Variants in DHX29 observed in about 807,000 individuals in gnomAD.
DHX29 encodes the protein ATP-dependent RNA helicase DHX29.
In DHX29, 79 loss-of-function variants were observed where a neutral mutation model predicts 167.9. The observed-to-expected ratio is 0.47, with a 90% CI of 0.39 to 0.57. The LOEUF (loss-of-function observed/expected upper bound fraction) is 0.57. Ranked by LOEUF, DHX29 falls within the 20% of genes least tolerant of loss-of-function variation. The pLI is 0.00. For missense variants in DHX29, 1,347 were observed against 1,593.4 expected (o/e 0.85, Z 2.63); for synonymous variants, 530 against 546.0 (o/e 0.97, Z 0.41).
chr5:55,304,729 G>A (rs35156726), intron 1 of DHX29, among the ~76,000 whole-genome samples: 16,659 of 151,794 alleles, frequency 0.11, 1,053 homozygotes, highest in East Asian at 0.26. Context: ...AAACAAGACT[G>A]GTATTACTTG....
intron 26 of DHX29, among the ~76,000 whole-genome samples, chr5:55,257,027 A>C (rs1214433983): frequency 3.3e-5 from 5 of 152,234 alleles, no homozygotes; most frequent in East Asian, 3.8e-4. Flanking sequence ...AGGAAACAAA[A>C]AATTCTAACA....
At position 55,280,216 on chromosome 5, in the gene DHX29, C is replaced by T. The variant is rs138743000; in HGVS notation, c.2109+1156G>A. 1.3e-3 allele frequency among the ~76,000 whole-genome samples: 204 copies of T among 152,220 alleles called. 2 individuals carry two copies. The Middle Eastern group carries it at 0.024, about 18-fold the overall frequency. On this transcript the variant is annotated intron_variant, in intron 12 of 26. Transcript: ENST00000251636. ...GCTGTAGTGTCTAAGAGGTTGATGGCATCACAGTGGAGCTCAATTCAGTTA... is the reference window on the plus strand; with the variant it reads ...GCTGTAGTGTCTAAGAGGTTGATGGTATCACAGTGGAGCTCAATTCAGTTA...
chr5:55,299,600 C>T (rs182739337), intron 1 of DHX29, among the ~76,000 whole-genome samples: 13 of 152,260 alleles, frequency 8.5e-5, no homozygotes, highest in Admixed American at 8.5e-4. Context: ...CTTCCCCCTT[C>T]CAGCTTCTGG....
In DHX29 at chr5:55,276,270, TA is replaced by T. The variant is rs1747107518; in HGVS notation, c.2422del (p.Tyr808IlefsTer15). ...VTSKAGGIKK[Y>X]QEYIPVQTGA... is the part of the protein sequence containing the mutation. ...TTCAAAATATTTTCTTTTTACCTGA[TA>T]TTTTTTTATTCCCCCTGCTTTGCTT... On this transcript the variant is annotated frameshift_variant, in exon 14 of 27. Coordinates refer to ENST00000251636, the MANE Select transcript of DHX29 (RefSeq NM_019030.4). LOFTEE classifies it high-confidence loss of function. 3.2e-6 allele frequency: 5 copies of T among 1,572,920 alleles called. No homozygotes were observed. The highest frequency in any genetic ancestry group is 4.3e-6 in the Non-Finnish European group (5 of 1,168,028).
At chr5:55,273,989 G>A (rs1195654457) in intron 16 of DHX29, among the ~76,000 whole-genome samples, 1 of 151,768 alleles carries the variant, frequency 6.6e-6, no homozygotes, top group African/African-American at 2.4e-5. Flanking sequence ...TGGGGAGGTT[G>A]AGGCAGGAGA....
chr5:55,262,997 G>T, intron 23 of DHX29, 65 bp from the exon 24 acceptor site: 1 of 1,261,570 alleles, frequency 7.9e-7, no homozygotes, highest in Non-Finnish European at 1.1e-6. Context: ...AAATAACATT[G>T]TAGTTTATAT....
intron 5 of DHX29, 56 bp downstream of exon 5, chr5:55,295,323 T>C: frequency 2.3e-6 from 3 of 1,319,882 alleles, no homozygotes; most frequent in Middle Eastern, 1.9e-4. Flanking sequence ...CTTTGAACTG[T>C]TACATGTGCT....
chr5:55,293,900 C>T (rs1561165292), intron 6 of DHX29, 117 bp downstream of exon 6: 2 of 1,132,904 alleles, frequency 1.8e-6, no homozygotes, highest in Admixed American at 3.1e-5. Flanking sequence ...TTAATCTTCA[C>T]ATCAACCCCT....
At chr5:55,270,117 T>A (rs1746777614) in intron 20 of DHX29, among the ~76,000 whole-genome samples, 1 of 152,048 alleles carries the variant, frequency 6.6e-6, no homozygotes, top group African/African-American at 2.4e-5. Context: ...TGTCCAATTA[T>A]GACAACCAAA....
In DHX29 at chr5:55,274,968, G is replaced by A; in HGVS notation, c.2470C>T (p.Pro824Ser). 6.2e-7 allele frequency: 1 copy of A among 1,613,858 alleles called. No homozygotes were observed. Residue 824 changes from proline to serine, a missense_variant, in exon 15 of 27, where the codon CCA (proline) becomes TCA (serine). This residue lies in a region of DHX29 where 882 missense variants were observed against 1,082.4 expected (regional missense o/e 0.81). Coordinates refer to ENST00000251636, the MANE Select transcript of DHX29 (RefSeq NM_019030.4). Reference sequence around the variant, plus strand: ...CGGCTGCTGTACTTTTGGTAAAATGGATTTAAATCAGCATGTGCTCCAGTC... The same window carrying A: ...CGGCTGCTGTACTTTTGGTAAAATGAATTTAAATCAGCATGTGCTCCAGTC... ...VQTGAHADLN[P>S]FYQKYSSRTQ... is the part of the protein sequence containing the mutation.
chr5:55,269,355 G>T, intron 21 of DHX29, 58 bp downstream of exon 21: 1 of 1,532,330 alleles, frequency 6.5e-7, no homozygotes, highest in Non-Finnish European at 8.9e-7. Flanking sequence ...TTCCAAACTT[G>T]TAATTTCCTG....
At chr5:55,293,784 T>C (rs1748167597) in intron 6 of DHX29, among the ~76,000 whole-genome samples, 1 of 152,222 alleles carries the variant, frequency 6.6e-6, no homozygotes, top group African/African-American at 2.4e-5. Context: ...CTCATAAAAA[T>C]CATTTTAAAA....
In DHX29 at chr5:55,305,027, T is replaced by C. The variant is rs1301220052; in HGVS notation, c.187+2360A>G. On this transcript the variant is annotated intron_variant, in intron 1 of 26. Coordinates refer to ENST00000251636, the MANE Select transcript of DHX29 (RefSeq NM_019030.4). Reference sequence around the variant, plus strand: ...TGATTTCTTGGTCTTAATAATTCCTTTGAACTTTCCTTACCAGTTATCCAA... The same window carrying C: ...TGATTTCTTGGTCTTAATAATTCCTCTGAACTTTCCTTACCAGTTATCCAA... 2.0e-5 allele frequency among the ~76,000 whole-genome samples: 3 copies of C among 152,238 alleles called. No homozygotes were observed. In the East Asian group the frequency reaches 5.8e-4, roughly 29 times the overall value.
chr5:55,302,445 C>G (rs796152320), intron 1 of DHX29, among the ~76,000 whole-genome samples: 15 of 152,040 alleles, frequency 9.9e-5, no homozygotes, highest in African/African-American at 3.6e-4. Context: ...ATGGTGAAAC[C>G]CCATCTCTAC....
intron 23 of DHX29, among the ~76,000 whole-genome samples, chr5:55,263,851 C>T (rs1427981836): frequency 1.3e-5 from 2 of 150,292 alleles, no homozygotes; most frequent in African/African-American, 4.9e-5. Context: ...GTTCATTCCA[C>T]TTAGAGAAGT....
chr5:55,294,018 G>A lies in DHX29; in HGVS notation c.779C>T (p.Pro260Leu). Residue 260 changes from proline (P) to leucine (L), a missense_variant and splice_region_variant, in exon 6 of 27, where the codon CCT becomes CTT. Coordinates refer to ENST00000251636, the MANE Select transcript of DHX29 (RefSeq NM_019030.4). ...KSLEEEEKFD[P>L]NERYLHLAAK... ...AGCCTAACACAAATTTCTACTCACAGGGTCAAATTTTTCCTCCTCTTCTAA... is the reference window on the plus strand; with the variant it reads ...AGCCTAACACAAATTTCTACTCACAAGGTCAAATTTTTCCTCCTCTTCTAA... 2 of 1,604,782 alleles carry A rather than the reference G, an allele frequency of 1.2e-6. No individual in the cohort carries two copies. Among genetic ancestry groups the A allele is most frequent in the Non-Finnish European group, 1.7e-6 (2 of 1,177,300 alleles).
chr5:55,284,906 T>C (rs1747637558), intron 10 of DHX29, among the ~76,000 whole-genome samples: 1 of 152,176 alleles, frequency 6.6e-6, no homozygotes, highest in African/African-American at 2.4e-5. Flanking sequence ...TGGTGGCACA[T>C]GCCTGTAGTC....
In DHX29 at chr5:55,256,451, T is replaced by C. The variant is rs192390194; in HGVS notation, c.*37A>G. On this transcript the variant is annotated 3_prime_UTR_variant, in exon 27 of 27. Transcript: ENST00000251636. ...AGATAATTTCATGACTGTATCTTCA[T>C]CTTAATTTTTAAAGCAGTTGACCAT... 78 of 1,543,102 alleles carry C rather than the reference T, an allele frequency of 5.1e-5. No homozygotes were observed. The Middle Eastern group carries it at 8.8e-4, about 17-fold the overall frequency.
At chr5:55,262,321 T>A (rs1373263852) in intron 24 of DHX29, among the ~76,000 whole-genome samples, 1 of 152,224 alleles carries the variant, frequency 6.6e-6, no homozygotes, top group African/African-American at 2.4e-5. Flanking sequence ...TATTCCCTTC[T>A]GAGGCAGCAC....
Sources: gnomAD v4.1 joint callset for allele counts (sites outside exome capture counted in the v4.1 genomes callset) on GRCh38, gnomAD v4.1.1 for gene constraint, gnomAD v4.1.1 regional missense constraint, MANE v1.5 for transcripts, NCBI Gene and HGNC (gene_info 2026-07-23, HGNC 2026-07-21) for gene names.